The following ZNF20 variants were observed in gnomAD, a reference collection of about 807,000 sequenced individuals.
ZNF20 encodes zinc finger protein 20.
In ZNF20, 9 loss-of-function variants were observed where a neutral mutation model predicts 11.0. That is an observed-to-expected ratio of 0.82 (90% confidence interval 0.49 to 1.43). The LOEUF (loss-of-function observed/expected upper bound fraction) is 1.43, where lower values mean the gene tolerates loss of function less well. Among genes scored for constraint, ZNF20 ranks in the 40% most tolerant of loss-of-function variants. The pLI, the probability that ZNF20 is intolerant of heterozygous loss-of-function variation, is 0.00. For synonymous variants in ZNF20, 182 were observed against 213.0 expected (o/e 0.85, Z 1.27); for missense variants, 528 against 640.8 (o/e 0.82, Z 1.90).
Position 12,133,740 on chromosome 19 carries a change from T to G in ZNF20, c.446A>C (p.Lys149Thr), listed in dbSNP as rs1409175217. The G allele has an allele frequency of 6.2e-7, 1 of 1,614,184 alleles. No individual in the cohort carries two copies. The highest frequency in any genetic ancestry group is 8.5e-7 in the Non-Finnish European group (1 of 1,180,000). Reference sequence around the variant, plus strand: ...GGAGTCAAGATAACTGAAGGCTTTCTTACATTCCTTATTTCTATATGGATT... The same window carrying G: ...GGAGTCAAGATAACTGAAGGCTTTCGTACATTCCTTATTTCTATATGGATT... ...GENPYRNKECKKAFSYLDSFQ... is the reference protein window; with the variant it reads ...GENPYRNKECTKAFSYLDSFQ... Residue 149 changes from lysine to threonine, a missense_variant, in exon 4 of 4, where the codon AAG becomes ACG. By Grantham distance (78) the Lys-to-Thr change is moderately conservative. Transcript: ENST00000334213.
rs1005786234 is a variant in ZNF20 at position 12,132,392 on chromosome 19, A to C, written c.*195T>G. Reference sequence around the variant, plus strand: ...TCCTTTTCTGTGCCTTTGAAATCTCATGCAAGATTGGCTATAGGTGAATTG... The same window carrying C: ...TCCTTTTCTGTGCCTTTGAAATCTCCTGCAAGATTGGCTATAGGTGAATTG... On this transcript the variant is annotated 3_prime_UTR_variant, in exon 4 of 4. Coordinates refer to ENST00000334213, the MANE Select transcript of ZNF20 (RefSeq NM_021143.4). The C allele has an allele frequency of 5.2e-5, 29 of 559,384 alleles. No homozygotes were observed. The African/African-American group carries it at 5.6e-4, about 11-fold the overall frequency. The allele number at this position is 559,384 out of a possible 1,614,324, so 34.7% of individuals were successfully genotyped here.
At chr19:12,136,448 A>C (rs576960693) in intron 1 of ZNF20, among the ~76,000 whole-genome samples, 5 of 151,944 alleles carry the variant, frequency 3.3e-5, no homozygotes, top group Non-Finnish European at 7.4e-5. Flanking sequence ...TTGGGAGGCC[A>C]AGGTGGGCGG....
rs116984865 is a variant in ZNF20, at chr19:12,139,262, C to T, written c.3+918G>A. Among the ~76,000 whole-genome samples the T allele has an allele frequency of 3.2e-3, 493 of 152,326 alleles. 3 individuals carry two copies. The highest frequency in any genetic ancestry group is 0.013 in the East Asian group (68 of 5,174). ...GTATACCCCAAGTAACCAATGGAAT[C>T]CTCCAGGGGGTATTTAAACTCCCAA... is the stretch of plus-strand genomic sequence containing the variant. On this transcript the variant is annotated intron_variant, in intron 1 of 3. Transcript: ENST00000334213. The surrounding 1 kb of genome is among the most constrained non-coding windows in gnomAD (Gnocchi z 4.0).
In ZNF20 at chr19:12,133,874, T is replaced by C. The variant is rs774516344; in HGVS notation, c.312A>G (p.Pro104=). ...LNRKTLPGIT[P]CESSVCGEVG... is the part of the protein sequence containing the mutation. ...CTTCTCCACACACACTGCTTTCACA[T>C]GGTGTTATTCCAGGAAGAGTTTTCC... The change falls in exon 4 of 4, where the codon CCA becomes CCG. Residue 104 remains proline (P), a synonymous_variant. Coordinates refer to ENST00000334213, the MANE Select transcript of ZNF20 (RefSeq NM_021143.4). 44 of 1,614,098 alleles carry C rather than the reference T, an allele frequency of 2.7e-5. No individual in the cohort carries two copies. Among genetic ancestry groups the C allele is most frequent in the South Asian group, 2.5e-4 (23 of 91,090 alleles).
rs369204181 is a variant in ZNF20 at position 12,135,880 on chromosome 19, C to T, written c.28G>A (p.Glu10Lys). ...TGGGTGAAGCTGACAGCCACATCCTCAAAGGCCACTGAATCCTGAAACATC... is the reference window on the plus strand; with the variant it reads ...TGGGTGAAGCTGACAGCCACATCCTTAAAGGCCACTGAATCCTGAAACATC... MMFQDSVAF[E>K]DVAVSFTQEE... is the part of the protein sequence containing the mutation. Residue 10 changes from glutamate to lysine, a missense_variant, in exon 2 of 4, where the codon GAG (glutamate) becomes AAG (lysine). Transcript: ENST00000334213. The T allele has an allele frequency of 1.1e-5, 17 of 1,614,002 alleles. No homozygotes were observed. Among genetic ancestry groups the T allele is most frequent in the Admixed American group, 8.3e-5 (5 of 59,978 alleles).
intron 1 of ZNF20, chr19:12,136,814 G>A (rs1340648719): frequency 1.6e-5 from 7 of 434,566 alleles, no homozygotes; most frequent in South Asian, 1.2e-4. Context: ...GACAAAGCAG[G>A]TATCACCAGC....
chr19:12,133,818 T>G lies in ZNF20; in HGVS notation c.368A>C (p.His123Pro), dbSNP rs763604223. The G allele has an allele frequency of 6.2e-7, 1 of 1,614,224 alleles. No individual in the cohort carries two copies. Among genetic ancestry groups the G allele is most frequent in the South Asian group, 1.1e-5 (1 of 91,082 alleles). The change falls in exon 4 of 4, where the codon CAT becomes CCT. Residue 123 changes from histidine to proline, a missense_variant. By Grantham distance (77) the His-to-Pro change is moderately conservative (BLOSUM62 -2). Transcript: ENST00000334213. ...CTTGTGTCCAGTGTCAGCTCTGATA[T>G]GCGTATTAAGAGATGAATGACCCGT... Reference protein sequence around the residue: ...VGTGHSSLNTHIRADTGHKSS... With the variant: ...VGTGHSSLNTPIRADTGHKSS...
chr19:12,132,616 G>C lies in ZNF20; in HGVS notation c.1570C>G (p.His524Asp). The C allele has an allele frequency of 6.2e-7, 1 of 1,603,482 alleles. No homozygotes were observed. The highest frequency in any genetic ancestry group is 8.5e-7 in the Non-Finnish European group (1 of 1,176,262). The change falls in exon 4 of 4, where the codon CAT becomes GAT. Residue 524 changes from histidine to aspartate, a missense_variant. Transcript: ENST00000334213. ...AFIRASSCRE[H>D]ERTHTINR ...CTATTAATGGTATGAGTTCTTTCAT[G>C]TTCTCGACATGAACTGGCACGAATA...
chr19:12,136,981 T>G (rs1976722420), intron 1 of ZNF20: 1 of 359,860 alleles, frequency 2.8e-6, no homozygotes, highest in South Asian at 2.0e-5. Flanking sequence ...TGCATTTTCA[T>G]TATGGGTTTC....
intron 1 of ZNF20, among the ~76,000 whole-genome samples, chr19:12,138,302 G>A (rs1316587903): frequency 6.6e-6 from 1 of 151,820 alleles, no homozygotes; most frequent in Non-Finnish European, 1.5e-5. Context: ...AAAATACATG[G>A]GGTATGGTGG....
Position 12,132,798 on chromosome 19 carries a change from G to C in ZNF20, c.1388C>G (p.Ser463Cys). 4 of 1,612,834 alleles carry C rather than the reference G, an allele frequency of 2.5e-6. No individual in the cohort carries two copies. The highest frequency in any genetic ancestry group is 3.4e-6 in the Non-Finnish European group (4 of 1,179,630). ...CCTTTCATGATATCGAATGGAACTGGAACAAGTGAAGGCTTTGCCACATAC... is the reference window on the plus strand; with the variant it reads ...CCTTTCATGATATCGAATGGAACTGCAACAAGTGAAGGCTTTGCCACATAC... ...CKVCGKAFTCSSSIRYHERTH... is the reference protein window; with the variant it reads ...CKVCGKAFTCCSSIRYHERTH... Residue 463 changes from serine to cysteine, a missense_variant, in exon 4 of 4, where the codon TCC (serine) becomes TGC (cysteine). Physicochemically the swap from Ser to Cys is moderately radical, Grantham distance 112 (BLOSUM62 -1). Transcript: ENST00000334213.
chr19:12,134,793 TA>T lies in ZNF20; in HGVS notation c.200+706del, dbSNP rs1480594620. Among the ~76,000 whole-genome samples the T allele has an allele frequency of 6.3e-3, 956 of 152,336 alleles. 14 individuals carry two copies. Among genetic ancestry groups the T allele is most frequent in the African/African-American group, 0.022 (911 of 41,580 alleles). On this transcript the variant is annotated intron_variant, in intron 3 of 3. Transcript: ENST00000334213. The stretch of plus-strand genomic sequence containing the variant: ...CTCTACAAGATGGTCTGGGTATATA[TA>T]TTTTTTTAAAATTAGTATTTCTATG...
chr19:12,136,380 A>T (rs1044701600), intron 1 of ZNF20, among the ~76,000 whole-genome samples: 8 of 150,234 alleles, frequency 5.3e-5, no homozygotes, highest in Admixed American at 3.3e-4. Context: ...CATCTCAAAA[A>T]AATAATAATA....
At chr19:12,138,314 G>A (rs8107587) in intron 1 of ZNF20, among the ~76,000 whole-genome samples, 26,747 of 151,736 alleles carry the variant, frequency 0.18, 2,797 homozygotes, top group African/African-American at 0.28. Context: ...GTATGGTGGC[G>A]CATACCTGTA....
intron 3 of ZNF20, among the ~76,000 whole-genome samples, chr19:12,135,267 G>A (rs1193674590): frequency 6.6e-6 from 1 of 151,812 alleles, no homozygotes; most frequent in Non-Finnish European, 1.5e-5. Context: ...AGCCTCCCAA[G>A]TAGCTGGGAC....
In ZNF20 at chr19:12,132,948, T is replaced by G. The variant is rs1754518098; in HGVS notation, c.1238A>C (p.His413Pro). 1 of 1,614,156 alleles carries G rather than the reference T, an allele frequency of 6.2e-7. No individual in the cohort carries two copies. The highest frequency in any genetic ancestry group is 8.5e-7 in the Non-Finnish European group (1 of 1,180,014). The stretch of plus-strand genomic sequence containing the variant: ...CTTCTCTCCAGTGTGCGTCCTTTCA[T>G]GTATACGCAAGGAAGAAAAATACTT... ...VFKYFSSLRI[H>P]ERTHTGEKPH... Residue 413 changes from histidine to proline, a missense_variant, in exon 4 of 4, where the codon CAT becomes CCT. Coordinates refer to ENST00000334213, the MANE Select transcript of ZNF20 (RefSeq NM_021143.4).
At chr19:12,135,728 T>C in intron 2 of ZNF20, 41 bp downstream of exon 2, 2 of 1,608,800 alleles carry the variant, frequency 1.2e-6, no homozygotes, top group Non-Finnish European at 1.7e-6. Context: ...CTAGAAGCAT[T>C]TGTTCTCTAA....
At chr19:12,136,519 TA>T (rs75332258) in intron 1 of ZNF20, among the ~76,000 whole-genome samples, 53 of 145,650 alleles carry the variant, frequency 3.6e-4, no homozygotes, top group Non-Finnish European at 3.5e-4. Context: ...CTGTCTCTAT[TA>T]AAAAAAAAAA....
chr19:12,138,103 A>C (rs1976741360), intron 1 of ZNF20, among the ~76,000 whole-genome samples: 1 of 152,122 alleles, frequency 6.6e-6, no homozygotes, highest in Non-Finnish European at 1.5e-5. Context: ...GAAACCCAGG[A>C]CCAGGAAAAG....
Sources: allele counts gnomAD v4.1 joint callset (sites outside exome capture counted in the v4.1 genomes callset), GRCh38; gene constraint gnomAD v4.1.1; non-coding constraint Gnocchi (gnomAD v3.1); transcripts MANE v1.5; gene names NCBI Gene and HGNC (gene_info 2026-07-23, HGNC 2026-07-21).